Variants in STOX2 observed in about 807,000 individuals in gnomAD.
STOX2 encodes storkhead box 2, also known as storkhead-box protein 2.
STOX2 carries 28 observed loss-of-function variants against 60.9 expected under a neutral mutation model. The observed-to-expected ratio is 0.46, with a 90% CI of 0.34 to 0.63. The LOEUF (loss-of-function observed/expected upper bound fraction) is 0.63, where lower values mean the gene tolerates loss of function less well. Among genes scored for constraint, STOX2 ranks in the 30% least tolerant of loss-of-function variants. STOX2 has a pLI of 0.01. For synonymous variants in STOX2, 472 were observed against 463.9 expected (o/e 1.02, Z -0.22); for missense variants, 1,024 against 1,187.7 (o/e 0.86, Z 2.03).
At chr4:183,918,204 A>G (rs1741986056) in intron 1 of STOX2, among the ~76,000 whole-genome samples, 1 of 152,224 alleles carries the variant, frequency 6.6e-6, no homozygotes, top group Admixed American at 6.5e-5. Flanking sequence ...TCAGAAATCA[A>G]GTATTCCATT....
Position 184,009,957 on chromosome 4 carries a change from C to T in STOX2, c.1119C>T (p.His373=). The T allele has an allele frequency of 1.2e-6, 2 of 1,613,774 alleles. No homozygotes were observed. The highest frequency in any genetic ancestry group is 1.7e-6 in the Non-Finnish European group (2 of 1,179,818). ...HRKSHGKSRS[H]SKTRVSKGDP... is the part of the protein sequence containing the mutation. ...AGTCCCATGGAAAGTCTCGGTCTCA[C>T]AGCAAGACACGGGTGTCTAAAGGAG... The change falls in exon 3 of 4, where the codon CAC becomes CAT. Residue 373 remains histidine (H), a synonymous_variant. Transcript: ENST00000308497. This position sits in a 1 kb window ranked among gnomAD's most constrained non-coding sequence, Gnocchi z 4.0.
intron 1 of STOX2, among the ~76,000 whole-genome samples, chr4:183,808,135 C>T (rs2111097879): frequency 6.6e-6 from 1 of 152,356 alleles, no homozygotes. Context: ...CCAGACTCTC[C>T]TGGACTCTTC....
At chr4:184,005,977 T>C (rs1733807248) in intron 2 of STOX2, among the ~76,000 whole-genome samples, 1 of 152,222 alleles carries the variant, frequency 6.6e-6, no homozygotes, top group Non-Finnish European at 1.5e-5. Flanking sequence ...AAAATTTTTC[T>C]CTATTTTTCT....
intron 1 of STOX2, among the ~76,000 whole-genome samples, chr4:183,857,001 AG>A (rs1435149531): frequency 1.3e-5 from 2 of 149,804 alleles, no homozygotes; most frequent in Non-Finnish European, 2.9e-5. Flanking sequence ...AGAGGCTGGG[AG>A]GGGTTTGGAG....
intron 1 of STOX2, among the ~76,000 whole-genome samples, chr4:183,822,842 C>T (rs1739333388): frequency 6.6e-6 from 1 of 152,170 alleles, no homozygotes; most frequent in African/African-American, 2.4e-5. Flanking sequence ...CTCTTCTTAT[C>T]TCTATTGTCT....
At chr4:183,973,331 C>T (rs187608252) in intron 1 of STOX2, among the ~76,000 whole-genome samples, 15 of 152,134 alleles carry the variant, frequency 9.9e-5, no homozygotes, top group Admixed American at 5.2e-4. Flanking sequence ...GGGAAAAATG[C>T]TACATAACAT....
chr4:183,938,443 C>T (rs1392772779), intron 1 of STOX2, among the ~76,000 whole-genome samples: 4 of 151,810 alleles, frequency 2.6e-5, no homozygotes, highest in East Asian at 1.9e-4. Context: ...CCAAGGTGGG[C>T]GGATCACCTC....
intron 1 of STOX2, among the ~76,000 whole-genome samples, chr4:183,949,435 C>T (rs1338523996): frequency 6.6e-6 from 1 of 152,076 alleles, no homozygotes; most frequent in African/African-American, 2.4e-5. Flanking sequence ...CGTGGTGGCT[C>T]ATGCCTGTAA....
intron 1 of STOX2, among the ~76,000 whole-genome samples, chr4:183,868,043 G>A (rs1365357479): frequency 2.6e-5 from 4 of 151,974 alleles, no homozygotes; most frequent in African/African-American, 7.3e-5. Context: ...ATTAGAGTGT[G>A]TTCTGGATCT....
intron 1 of STOX2, among the ~76,000 whole-genome samples, chr4:183,990,212 C>T (rs1308219834): frequency 2.6e-5 from 4 of 152,178 alleles, no homozygotes; most frequent in African/African-American, 9.7e-5. Context: ...TCACACCCAT[C>T]AATTCTACCC....
At chr4:183,839,080 G>A (rs534584370) in intron 1 of STOX2, among the ~76,000 whole-genome samples, 10 of 150,724 alleles carry the variant, frequency 6.6e-5, no homozygotes, top group Admixed American at 2.7e-4. Context: ...CAGAGAGCAG[G>A]CCAGGTTGGA....
intron 1 of STOX2, among the ~76,000 whole-genome samples, chr4:183,989,349 C>T (rs566189474): frequency 3.9e-5 from 6 of 151,976 alleles, no homozygotes; most frequent in South Asian, 4.2e-4. Flanking sequence ...ATTACAGGCA[C>T]GTGCCACCAC....
chr4:183,943,010 T>G (rs1373767737), intron 1 of STOX2, among the ~76,000 whole-genome samples: 1 of 152,226 alleles, frequency 6.6e-6, no homozygotes. Flanking sequence ...GAAGACTGTT[T>G]GAATCTGGGA....
At chr4:183,816,964 C>T (rs1579296522) in intron 1 of STOX2, among the ~76,000 whole-genome samples, 1 of 152,176 alleles carries the variant, frequency 6.6e-6, no homozygotes, top group South Asian at 2.1e-4. Flanking sequence ...TTGATGACTT[C>T]GCTGAAGCTA....
chr4:183,809,332 C>T (rs1034024434), intron 1 of STOX2, among the ~76,000 whole-genome samples: 1 of 152,202 alleles, frequency 6.6e-6, no homozygotes, highest in Non-Finnish European at 1.5e-5. Flanking sequence ...AAGTGATCCT[C>T]TCGCCTTGGC....
intron 1 of STOX2, among the ~76,000 whole-genome samples, chr4:183,913,267 G>A (rs550626473): frequency 2.6e-5 from 4 of 152,204 alleles, no homozygotes; most frequent in Admixed American, 2.0e-4. Context: ...TAATGTGTGG[G>A]ATCTTGAAAT....
intron 1 of STOX2, among the ~76,000 whole-genome samples, chr4:183,823,767 C>G (rs1182232354): frequency 2.6e-5 from 4 of 152,226 alleles, no homozygotes; most frequent in African/African-American, 9.7e-5. Flanking sequence ...AGAGGCCTTT[C>G]AATTCCAAAG....
At chr4:183,957,488 C>T (rs575949106) in intron 1 of STOX2, among the ~76,000 whole-genome samples, 3 of 133,336 alleles carry the variant, frequency 2.2e-5, no homozygotes, top group South Asian at 2.2e-4. Flanking sequence ...ATTTGTTGAA[C>T]GAAAATAAGC....
chr4:183,975,008 A>G (rs1166703902), intron 1 of STOX2, among the ~76,000 whole-genome samples: 1 of 152,164 alleles, frequency 6.6e-6, no homozygotes, highest in Non-Finnish European at 1.5e-5. Context: ...TCTTACCATA[A>G]TGAGATTTAA....
Sources: allele counts gnomAD v4.1 joint callset (sites outside exome capture counted in the v4.1 genomes callset), GRCh38; gene constraint gnomAD v4.1.1; non-coding constraint Gnocchi (gnomAD v3.1); transcripts MANE v1.5; gene names NCBI Gene and HGNC (gene_info 2026-07-23, HGNC 2026-07-21).